The following PRKG1 variants were observed in gnomAD, a reference collection of about 807,000 sequenced individuals.
PRKG1 encodes protein kinase cGMP-dependent 1.
In PRKG1, 35 loss-of-function variants were observed where a neutral mutation model predicts 88.1. The ratio of observed to expected loss-of-function variants is 0.40; its 90% CI spans 0.30 to 0.53. The LOEUF is 0.53. Ranked by LOEUF, PRKG1 falls within the 20% of genes least tolerant of loss-of-function variation. PRKG1 has a pLI of 0.59. For synonymous variants in PRKG1, 303 were observed against 292.5 expected (o/e 1.04, Z -0.37); for missense variants, 540 against 839.8 (o/e 0.64, Z 4.41).
chr10:51,455,653 C>T (rs1839564558), intron 2 of PRKG1, among the ~76,000 whole-genome samples: 1 of 152,196 alleles, frequency 6.6e-6, no homozygotes, highest in African/African-American at 2.4e-5. Flanking sequence ...TAAAACATAG[C>T]AACAGTCACT....
chr10:51,219,849 G>A (rs1838481441), intron 2 of PRKG1, among the ~76,000 whole-genome samples: 1 of 152,156 alleles, frequency 6.6e-6, no homozygotes, highest in Non-Finnish European at 1.5e-5. Context: ...TGAAATTTGA[G>A]TTAGATTTCT....
At chr10:52,157,634 A>G (rs1227339224) in intron 8 of PRKG1, among the ~76,000 whole-genome samples, 1 of 151,556 alleles carries the variant, frequency 6.6e-6, no homozygotes, top group Non-Finnish European at 1.5e-5. Context: ...TCTAAAACAG[A>G]CACGTTTTCT....
chr10:51,466,110 G>A (rs1188389184), intron 2 of PRKG1, among the ~76,000 whole-genome samples: 1 of 152,076 alleles, frequency 6.6e-6, no homozygotes, highest in African/African-American at 2.4e-5. Flanking sequence ...TTTAACCTCT[G>A]TGTGGTATTC....
intron 1 of PRKG1, among the ~76,000 whole-genome samples, chr10:51,053,785 T>C (rs962986846): frequency 5.9e-5 from 9 of 151,746 alleles, no homozygotes; most frequent in Non-Finnish European, 1.3e-4. Context: ...TTTGTTTTTT[T>C]TTTTTTTAAC....
chr10:51,990,458 A>G (rs1485637810), intron 5 of PRKG1, among the ~76,000 whole-genome samples: 1 of 152,142 alleles, frequency 6.6e-6, no homozygotes, highest in Non-Finnish European at 1.5e-5. Context: ...CTTCCAATCC[A>G]TGATCGTAGT....
In PRKG1 at chr10:51,703,415, CT is replaced by C. The variant is rs1402350304; in HGVS notation, c.593-101169del. 2.6e-5 allele frequency among the ~76,000 whole-genome samples: 4 copies of C among 152,292 alleles called. No individual in the cohort carries two copies. In the East Asian group the frequency reaches 7.7e-4, roughly 29 times the overall value. ...CTCCACAAAGCTTTCTATGACCTTT[CT>C]ACCCTTTCCCCTAGGTTAGAAGTAA... On this transcript the variant is annotated intron_variant, in intron 3 of 17. Coordinates refer to ENST00000373980, the MANE Select transcript of PRKG1 (RefSeq NM_006258.4).
chr10:51,050,780 C>T (rs1471333413), intron 1 of PRKG1, among the ~76,000 whole-genome samples: 2 of 152,068 alleles, frequency 1.3e-5, no homozygotes, highest in African/African-American at 4.8e-5. Flanking sequence ...TTTCCACCAA[C>T]AGGGTTACAA....
At chr10:51,145,241 G>A (rs1334671585) in intron 1 of PRKG1, among the ~76,000 whole-genome samples, 1 of 152,114 alleles carries the variant, frequency 6.6e-6, no homozygotes, top group Admixed American at 6.5e-5. Context: ...TGCTGACCTT[G>A]TTGGAAACAA....
intron 2 of PRKG1, among the ~76,000 whole-genome samples, chr10:51,392,454 T>G (rs1837431085): frequency 6.6e-6 from 1 of 152,198 alleles, no homozygotes; most frequent in Non-Finnish European, 1.5e-5. Context: ...GGGGGTAAGG[T>G]CACAGATCCA....
At chr10:52,189,084 T>C (rs2132749860) in intron 9 of PRKG1, among the ~76,000 whole-genome samples, 1 of 152,304 alleles carries the variant, frequency 6.6e-6, no homozygotes. Flanking sequence ...GGCATCTATA[T>C]CAGTCTAAGA....
Position 51,576,829 on chromosome 10 carries a change from C to G in PRKG1, c.592+108993C>G, listed in dbSNP as rs141771245. ...ATGTGATAGTAATTTTTTTCATTTT[C>G]TATTGTCATTTGCGTCTACTTGGGG... On this transcript the variant is annotated intron_variant, in intron 3 of 17. Coordinates refer to ENST00000373980, the MANE Select transcript of PRKG1 (RefSeq NM_006258.4). Among the ~76,000 whole-genome samples the G allele has an allele frequency of 5.1e-3, 769 of 151,508 alleles. 8 individuals carry two copies. The highest frequency in any genetic ancestry group is 0.018 in the African/African-American group (738 of 41,338).
chr10:52,154,413 T>C (rs1838029773), intron 8 of PRKG1, among the ~76,000 whole-genome samples: 1 of 152,200 alleles, frequency 6.6e-6, no homozygotes, highest in Admixed American at 6.5e-5. Context: ...TCTGTGCTTA[T>C]GTCTTTACAG....
intron 3 of PRKG1, among the ~76,000 whole-genome samples, chr10:51,725,565 G>A (rs1173563239): frequency 6.6e-6 from 1 of 151,778 alleles, no homozygotes; most frequent in Non-Finnish European, 1.5e-5. Flanking sequence ...AAGATGGGAA[G>A]ATTCGATAGA....
At chr10:51,694,571 G>A (rs1260412693) in intron 3 of PRKG1, among the ~76,000 whole-genome samples, 1 of 152,150 alleles carries the variant, frequency 6.6e-6, no homozygotes, top group Non-Finnish European at 1.5e-5. Flanking sequence ...CTAATGGGCA[G>A]GCACTGATTA....
intron 8 of PRKG1, 38 bp from the exon 9 acceptor site, chr10:52,161,851 T>C (rs1447623259): frequency 1.3e-6 from 2 of 1,583,518 alleles, no homozygotes; most frequent in Non-Finnish European, 1.7e-6. Flanking sequence ...GCTACTATTT[T>C]GTAGAAGATT....
chr10:51,585,840 C>T (rs1346592128), intron 3 of PRKG1, among the ~76,000 whole-genome samples: 1 of 152,070 alleles, frequency 6.6e-6, no homozygotes, highest in Non-Finnish European at 1.5e-5. Flanking sequence ...GAGCTGAGGC[C>T]CATAATCCTG....
intron 2 of PRKG1, among the ~76,000 whole-genome samples, chr10:51,336,256 C>G (rs10996937): frequency 0.54 from 82,451 of 151,786 alleles, 22,490 homozygotes; most frequent in Middle Eastern, 0.57. Flanking sequence ...AGGAGGCTGA[C>G]GCAGGAGAAT....
intron 2 of PRKG1, among the ~76,000 whole-genome samples, chr10:51,276,792 G>A (rs528888927): frequency 5.9e-5 from 9 of 152,120 alleles, no homozygotes; most frequent in Admixed American, 2.6e-4. Flanking sequence ...CATATCCTTC[G>A]CCCACTTTTT....
intron 4 of PRKG1, among the ~76,000 whole-genome samples, chr10:51,883,396 G>A (rs1202071856): frequency 6.6e-6 from 1 of 152,168 alleles, no homozygotes; most frequent in Non-Finnish European, 1.5e-5. Context: ...AGATGATATA[G>A]ATATAGATCC....
Sources: gnomAD v4.1 joint callset for allele counts (sites outside exome capture counted in the v4.1 genomes callset) on GRCh38, gnomAD v4.1.1 for gene constraint, MANE v1.5 for transcripts, NCBI Gene and HGNC (gene_info 2026-07-23, HGNC 2026-07-21) for gene names.